Variants in CDH12 observed in about 807,000 individuals in gnomAD.
The protein encoded by CDH12 is cadherin 12.
Under a neutral mutation model 74.1 loss-of-function variants are expected in CDH12, and 41 were observed. The observed-to-expected ratio is 0.55, with a 90% CI of 0.43 to 0.72. The LOEUF (loss-of-function observed/expected upper bound fraction) is 0.72. CDH12 is among the 30% of genes least tolerant of loss of function. The pLI, the probability that CDH12 is intolerant of heterozygous loss-of-function variation, is 0.00. For missense variants in CDH12, 945 were observed against 977.2 expected, an observed-to-expected ratio of 0.97 and a Z score of 0.44; for synonymous variants, 399 against 355.0, an observed-to-expected ratio of 1.12 and a Z score of -1.39.
At chr5:22,451,992 A>G (rs1745062270) in intron 2 of CDH12, among the ~76,000 whole-genome samples, 1 of 151,952 alleles carries the variant, frequency 6.6e-6, no homozygotes, top group South Asian at 2.1e-4. Context: ...TACACAAAAA[A>G]TTACCTAAGA....
At chr5:22,042,368 T>G (rs1247782983) in intron 5 of CDH12, among the ~76,000 whole-genome samples, 2 of 152,092 alleles carry the variant, frequency 1.3e-5, no homozygotes, top group African/African-American at 4.8e-5. Context: ...TGTATTTTTC[T>G]GTAATGACAA....
intron 3 of CDH12, among the ~76,000 whole-genome samples, chr5:22,242,196 G>C (rs1444222805): frequency 6.6e-6 from 1 of 152,050 alleles, no homozygotes; most frequent in Non-Finnish European, 1.5e-5. Flanking sequence ...ATGAGTTAAA[G>C]AGCATATAGT....
rs147832253 is a variant in CDH12 at position 22,673,056 on chromosome 5, T to C, written c.-522-167692A>G. ...TCTCTTTTGGATCTTTCATATTTAA[T>C]ATACTCCTTGTAACAAAAGTCAATT... On this transcript the variant is annotated intron_variant, in intron 1 of 14. Transcript: ENST00000382254. 2.8e-4 allele frequency among the ~76,000 whole-genome samples: 43 copies of C among 152,246 alleles called. No individual in the cohort carries two copies. In the East Asian group the frequency reaches 4.8e-3, roughly 17 times the overall value.
At chr5:22,079,873 ATAAC>A (rs1373102799) in intron 4 of CDH12, among the ~76,000 whole-genome samples, 2 of 150,998 alleles carry the variant, frequency 1.3e-5, no homozygotes, top group African/African-American at 2.5e-5. Context: ...AGTCAAATAA[ATAAC>A]TGAGGGCAGA....
intron 8 of CDH12, among the ~76,000 whole-genome samples, chr5:21,818,802 T>TA (rs1461620154): frequency 1.3e-5 from 2 of 151,768 alleles, no homozygotes; most frequent in African/African-American, 4.8e-5. Context: ...TTTAAATAAA[T>TA]AAAAAAATAA....
intron 5 of CDH12, among the ~76,000 whole-genome samples, chr5:21,984,851 T>C (rs1447283865): frequency 6.6e-6 from 1 of 152,204 alleles, no homozygotes; most frequent in South Asian, 2.1e-4. Context: ...TACTTTCATA[T>C]ATGGATGATT....
intron 6 of CDH12, among the ~76,000 whole-genome samples, chr5:21,931,642 C>T (rs1321549447): frequency 6.6e-6 from 1 of 152,134 alleles, no homozygotes; most frequent in African/African-American, 2.4e-5. Flanking sequence ...CAGTCTGACT[C>T]CCACATTATG....
chr5:21,756,543 A>G (rs967416019), intron 13 of CDH12, among the ~76,000 whole-genome samples: 4 of 152,210 alleles, frequency 2.6e-5, no homozygotes, highest in Non-Finnish European at 5.9e-5. Flanking sequence ...AATAAAAATT[A>G]CTATTTTTAT....
intron 3 of CDH12, among the ~76,000 whole-genome samples, chr5:22,319,660 A>G (rs924816725): frequency 1.3e-4 from 20 of 152,300 alleles, no homozygotes; most frequent in Middle Eastern, 3.4e-3. Flanking sequence ...TTTTTCAAAC[A>G]TATGGGCAAA....
intron 5 of CDH12, among the ~76,000 whole-genome samples, chr5:22,030,077 C>T (rs558183454): frequency 7.3e-6 from 1 of 136,544 alleles, no homozygotes; most frequent in Admixed American, 8.8e-5. Flanking sequence ...AACACATGGA[C>T]ACGAGAAGGG....
intron 3 of CDH12, among the ~76,000 whole-genome samples, chr5:22,324,951 A>C (rs1429211508): frequency 6.6e-6 from 1 of 152,198 alleles, no homozygotes; most frequent in Admixed American, 6.5e-5. Flanking sequence ...TCATTATCTA[A>C]GTGGGGGGCT....
At chr5:22,742,335 G>A (rs1359729768) in intron 1 of CDH12, among the ~76,000 whole-genome samples, 2 of 152,296 alleles carry the variant, frequency 1.3e-5, no homozygotes, top group Middle Eastern at 3.4e-3. Context: ...AGGAGTCTGA[G>A]TATGAGCTGC....
At chr5:22,175,256 C>T (rs1580359022) in intron 4 of CDH12, among the ~76,000 whole-genome samples, 1 of 151,712 alleles carries the variant, frequency 6.6e-6, no homozygotes, top group Non-Finnish European at 1.5e-5. Context: ...TGTGTAATAG[C>T]ATTAATTTAG....
chr5:21,756,191 CA>C lies in CDH12; in HGVS notation c.1634-350del, dbSNP rs550325359. On this transcript the variant is annotated intron_variant, in intron 13 of 14. Coordinates refer to ENST00000382254, the MANE Select transcript of CDH12 (RefSeq NM_004061.5). ...GTTTCATGCATAATAGAAAATATTA[CA>C]AACTATGAATCTGTAAATTATCTCA... Among the ~76,000 whole-genome samples the C allele has an allele frequency of 3.0e-3, 457 of 152,054 alleles. 5 individuals are homozygous for C. The highest frequency in any genetic ancestry group is 0.011 in the African/African-American group (449 of 41,498).
chr5:22,091,440 A>C (rs1400589995), intron 4 of CDH12, among the ~76,000 whole-genome samples: 2 of 151,654 alleles, frequency 1.3e-5, no homozygotes, highest in Non-Finnish European at 2.9e-5. Context: ...AAATTGAATT[A>C]AGAAAATACT....
intron 4 of CDH12, among the ~76,000 whole-genome samples, chr5:22,102,233 T>C (rs1432108798): frequency 6.6e-6 from 1 of 152,208 alleles, no homozygotes; most frequent in Non-Finnish European, 1.5e-5. Flanking sequence ...TAAGACATTA[T>C]GACGTCCAGA....
intron 2 of CDH12, among the ~76,000 whole-genome samples, chr5:22,417,024 T>C (rs1045667650): frequency 2.0e-5 from 3 of 152,240 alleles, no homozygotes; most frequent in African/African-American, 7.2e-5. Flanking sequence ...TTTGTTCTCA[T>C]ATATATTATT....
intron 2 of CDH12, among the ~76,000 whole-genome samples, chr5:22,498,901 C>CTTTTTTTTTTTTT (rs34550762): frequency 1.1e-4 from 8 of 73,436 alleles, no homozygotes; most frequent in East Asian, 3.5e-4. Flanking sequence ...TTTTCTGTTT[C>CTTTTTTTTTTTTT]TTTTTTTTTT....
At chr5:22,503,722 C>A (rs937069470) in intron 2 of CDH12, among the ~76,000 whole-genome samples, 1 of 151,890 alleles carries the variant, frequency 6.6e-6, no homozygotes, top group African/African-American at 2.4e-5. Flanking sequence ...TTCTTCTTAT[C>A]GTTGTACATA....
Sources: gnomAD v4.1 joint callset for allele counts (sites outside exome capture counted in the v4.1 genomes callset) on GRCh38, gnomAD v4.1.1 for gene constraint, MANE v1.5 for transcripts, NCBI Gene and HGNC (gene_info 2026-07-23, HGNC 2026-07-21) for gene names.